AGMO: variants seen among roughly 807,000 people sequenced by gnomAD.
AGMO encodes glyceryl-ether monooxygenase.
Under a neutral mutation model 60.2 loss-of-function variants are expected in AGMO, and 75 were observed. The observed-to-expected ratio is 1.25, with a 90% CI of 1.03 to 1.51. AGMO has a LOEUF of 1.51. AGMO is among the 40% of genes most tolerant of loss of function. The probability of loss-of-function intolerance (pLI) is 0.00; values close to 1 mark genes in which losing one functional copy is unlikely to be tolerated. For missense variants in AGMO, 763 were observed against 525.5 expected (o/e 1.45, Z -4.42); for synonymous variants, 261 against 177.1 (o/e 1.47, Z -3.76).
rs767526135 is a variant in AGMO, at chr7:15,394,122, C to T, written c.667G>A (p.Val223Ile). ...LILNTPSHHR[V>I]HHGRNRYCID... ...AACAAAACTTCCTTACCATGATGAA[C>T]CCTATGATGGCTAGGAGTATTAAGA... The change falls in exon 6 of 13, where the codon GTT becomes ATT. Residue 223 changes from valine (V) to isoleucine (I), a missense_variant. Coordinates refer to ENST00000342526, the MANE Select transcript of AGMO (RefSeq NM_001004320.2). 1 of 1,610,682 alleles carries T rather than the reference C, an allele frequency of 6.2e-7. No homozygotes were observed.
intron 12 of AGMO, among the ~76,000 whole-genome samples, chr7:15,289,833 A>G (rs1205744807): frequency 6.6e-6 from 1 of 151,918 alleles, no homozygotes. Context: ...AGGTAAATAA[A>G]TGAGTATTCT....
chr7:15,177,438 C>A, the AGMO span, among the ~76,000 whole-genome samples: 1 of 152,060 alleles, frequency 6.6e-6, no homozygotes, highest in African/African-American at 2.4e-5. Context: ...AATGCTCTTG[C>A]TGTTTTCTGG....
intron 12 of AGMO, among the ~76,000 whole-genome samples, chr7:15,222,994 C>T (rs949326195): frequency 6.6e-6 from 1 of 151,976 alleles, no homozygotes; most frequent in African/African-American, 2.4e-5. Flanking sequence ...AATACAGATG[C>T]ATGAGTGTGC....
chr7:15,528,122 T>C (rs1304371967), intron 3 of AGMO, among the ~76,000 whole-genome samples: 1 of 152,148 alleles, frequency 6.6e-6, no homozygotes, highest in Non-Finnish European at 1.5e-5. Context: ...TTTGTAAGGC[T>C]ACCATTGCCA....
chr7:15,187,884 G>A, the AGMO span, among the ~76,000 whole-genome samples: 1 of 109,442 alleles, frequency 9.1e-6, no homozygotes, highest in Admixed American at 1.0e-4. Context: ...GGGTAAATTC[G>A]TGACAAGGAT....
At chr7:15,242,820 A>G (rs942325427) in intron 12 of AGMO, among the ~76,000 whole-genome samples, 3 of 152,144 alleles carry the variant, frequency 2.0e-5, no homozygotes, top group African/African-American at 4.8e-5. Flanking sequence ...TAATTATACT[A>G]GTTATTTTAA....
intron 3 of AGMO, among the ~76,000 whole-genome samples, chr7:15,445,839 G>A (rs975282107): frequency 6.6e-6 from 1 of 152,084 alleles, no homozygotes; most frequent in Non-Finnish European, 1.5e-5. Flanking sequence ...GTCAATCATG[G>A]CTTCCATGAA....
At chr7:15,317,989 T>TACACGTATATATATAC (rs1780991454) in intron 12 of AGMO, among the ~76,000 whole-genome samples, 2 of 147,686 alleles carry the variant, frequency 1.4e-5, no homozygotes, top group Admixed American at 7.0e-5. Context: ...TATATATATA[T>TACACGTATATATATAC]ACACGTATAT....
chr7:15,337,684 T>C (rs1352774586), intron 12 of AGMO, among the ~76,000 whole-genome samples: 2 of 152,148 alleles, frequency 1.3e-5, no homozygotes, highest in African/African-American at 4.8e-5. Context: ...TAGGAATAGG[T>C]TCACGAAATG....
intron 3 of AGMO, among the ~76,000 whole-genome samples, chr7:15,516,678 A>C (rs1583635437): frequency 6.6e-6 from 1 of 152,276 alleles, no homozygotes; most frequent in East Asian, 1.9e-4. Context: ...AGCTCAATTC[A>C]TCATTTCCTT....
chr7:15,445,676 C>G (rs1781681447), intron 3 of AGMO, among the ~76,000 whole-genome samples: 1 of 151,994 alleles, frequency 6.6e-6, no homozygotes, highest in South Asian at 2.1e-4. Context: ...TCAGAAACAT[C>G]AAACATAAAA....
the AGMO span, among the ~76,000 whole-genome samples, chr7:15,129,644 C>T: frequency 0.32 from 48,558 of 151,904 alleles, 9,224 homozygotes; most frequent in East Asian, 0.54. Context: ...AGTGGCCCAC[C>T]ACCTGGGGCC....
At chr7:15,468,839 T>C (rs949892021) in intron 3 of AGMO, among the ~76,000 whole-genome samples, 1 of 152,102 alleles carries the variant, frequency 6.6e-6, no homozygotes, top group Admixed American at 6.6e-5. Flanking sequence ...ATTTTATGAT[T>C]CAAATTTTGT....
intron 12 of AGMO, among the ~76,000 whole-genome samples, chr7:15,220,945 C>T (rs768609231): frequency 3.3e-5 from 5 of 151,892 alleles, no homozygotes; most frequent in Non-Finnish European, 2.9e-5. Context: ...TGATGATATT[C>T]GTAAATCTTA....
chr7:15,140,917 A>G, the AGMO span, among the ~76,000 whole-genome samples: 2 of 151,944 alleles, frequency 1.3e-5, no homozygotes, highest in Non-Finnish European at 2.9e-5. Context: ...ATTCATGGGT[A>G]TTTGTTTTCT....
rs371980563 is a variant in AGMO, at chr7:15,339,703, A to G, written c.1263+25811T>C. On this transcript the variant is annotated intron_variant, in intron 12 of 12. Coordinates refer to ENST00000342526, the MANE Select transcript of AGMO (RefSeq NM_001004320.2). ...CTGTATGAAAATGATGTAAAAATCTAGGGACACCAATATCCCTTTATCCTT... is the reference window on the plus strand; with the variant it reads ...CTGTATGAAAATGATGTAAAAATCTGGGGACACCAATATCCCTTTATCCTT... Among the ~76,000 whole-genome samples, 129 of 152,328 alleles carry G rather than the reference A, an allele frequency of 8.5e-4. 1 individual carries two copies. In the South Asian group the frequency reaches 0.015, roughly 18 times the overall value.
chr7:15,441,959 G>C (rs1336588068), intron 3 of AGMO, among the ~76,000 whole-genome samples: 1 of 152,118 alleles, frequency 6.6e-6, no homozygotes, highest in Non-Finnish European at 1.5e-5. Flanking sequence ...CTACTAATCA[G>C]GACTTCCTAT....
chr7:15,228,464 T>C (rs915029741), intron 12 of AGMO, among the ~76,000 whole-genome samples: 9 of 152,022 alleles, frequency 5.9e-5, no homozygotes, highest in African/African-American at 1.9e-4. Context: ...TAAGGGAAGG[T>C]TGAACAAAAT....
At chr7:15,142,911 G>A in the AGMO span, among the ~76,000 whole-genome samples, 1 of 152,122 alleles carries the variant, frequency 6.6e-6, no homozygotes, top group Non-Finnish European at 1.5e-5. Flanking sequence ...TCACAACCAC[G>A]TTATGGAATC....
Sources: gnomAD v4.1 joint callset for allele counts (sites outside exome capture counted in the v4.1 genomes callset) on GRCh38, gnomAD v4.1.1 for gene constraint, MANE v1.5 for transcripts, NCBI Gene and HGNC (gene_info 2026-07-23, HGNC 2026-07-21) for gene names.